The following SNTG2 variants were observed in gnomAD, a reference collection of about 807,000 sequenced individuals.
SNTG2 encodes gamma-2-syntrophin.
SNTG2 carries 74 observed loss-of-function variants against 70.9 expected under a neutral mutation model. The observed-to-expected ratio is 1.04, with a 90% CI of 0.86 to 1.27. The LOEUF is 1.27. Among genes scored for constraint, SNTG2 ranks in the 50% most tolerant of loss-of-function variants. The pLI is 0.00. For missense variants in SNTG2, 717 were observed against 690.7 expected (o/e 1.04, Z -0.43); for synonymous variants, 278 against 273.8 (o/e 1.02, Z -0.15).
At chr2:1,015,198 C>T (rs1337024628) in intron 1 of SNTG2, among the ~76,000 whole-genome samples, 1 of 152,086 alleles carries the variant, frequency 6.6e-6, no homozygotes, top group East Asian at 1.9e-4. Flanking sequence ...ATGTGGGCAG[C>T]TGGGACCATG....
At chr2:1,231,006 G>C (rs1469924385) in intron 9 of SNTG2, among the ~76,000 whole-genome samples, 1 of 151,040 alleles carries the variant, frequency 6.6e-6, no homozygotes, top group African/African-American at 2.4e-5. Context: ...AGATCCGAAA[G>C]GTGAATTACT....
At chr2:1,217,127 TA>T (rs892775583) in intron 9 of SNTG2, among the ~76,000 whole-genome samples, 15 of 149,380 alleles carry the variant, frequency 1.0e-4, no homozygotes, top group South Asian at 8.5e-4. Context: ...GTTCTTTTTT[TA>T]AAAAAAAAAG....
intron 15 of SNTG2, among the ~76,000 whole-genome samples, chr2:1,315,587 T>A (rs1032750044): frequency 6.6e-6 from 1 of 152,160 alleles, no homozygotes; most frequent in Non-Finnish European, 1.5e-5. Flanking sequence ...ATCCATTACG[T>A]CTTTCTTTGC....
chr2:1,186,204 A>T (rs1209587528), intron 8 of SNTG2, among the ~76,000 whole-genome samples: 2 of 152,166 alleles, frequency 1.3e-5, no homozygotes, highest in African/African-American at 4.8e-5. Flanking sequence ...TACTGTTTCT[A>T]ATAAGTCCCT....
chr2:1,178,177 CTCTCT>C (rs1671611379), intron 8 of SNTG2, among the ~76,000 whole-genome samples: 1 of 152,138 alleles, frequency 6.6e-6, no homozygotes, highest in Non-Finnish European at 1.5e-5. Context: ...CCATTGGGCT[CTCTCT>C]TGTAGAGACG....
chr2:1,281,218 TG>T (rs1387499883), intron 14 of SNTG2, among the ~76,000 whole-genome samples: 5 of 148,546 alleles, frequency 3.4e-5, no homozygotes, highest in Admixed American at 6.7e-5. Flanking sequence ...GGTGTGTGTG[TG>T]TTTGTGTTTA....
intron 14 of SNTG2, among the ~76,000 whole-genome samples, chr2:1,300,166 G>C (rs1368260935): frequency 6.6e-6 from 1 of 151,052 alleles, no homozygotes; most frequent in East Asian, 2.0e-4. Flanking sequence ...CCGCTCTGAA[G>C]GGCATGCAAG....
intron 6 of SNTG2, among the ~76,000 whole-genome samples, chr2:1,153,964 A>G (rs989330228): frequency 8.5e-5 from 13 of 152,236 alleles, no homozygotes; most frequent in African/African-American, 3.1e-4. Context: ...TCCAACCAAG[A>G]GGACTTCCAG....
chr2:1,247,850 G>A (rs1677525322), intron 12 of SNTG2, among the ~76,000 whole-genome samples: 1 of 152,034 alleles, frequency 6.6e-6, no homozygotes, highest in Non-Finnish European at 1.5e-5. Flanking sequence ...TGTCTCCCAA[G>A]TTTTATTTAA....
intron 13 of SNTG2, among the ~76,000 whole-genome samples, chr2:1,263,195 T>A (rs13015928): frequency 5.9e-5 from 9 of 152,098 alleles, no homozygotes; most frequent in South Asian, 2.1e-4. Flanking sequence ...AGGATATTCC[T>A]TAAATTAATG....
intron 1 of SNTG2, among the ~76,000 whole-genome samples, chr2:1,027,519 A>G (rs1479272296): frequency 6.6e-6 from 1 of 150,736 alleles, no homozygotes; most frequent in Admixed American, 6.6e-5. Flanking sequence ...CGTCTGACCC[A>G]CAGTCACTAT....
intron 1 of SNTG2, among the ~76,000 whole-genome samples, chr2:991,488 A>G (rs1224919737): frequency 6.6e-6 from 1 of 152,112 alleles, no homozygotes; most frequent in Non-Finnish European, 1.5e-5. Context: ...TAGAATATTT[A>G]TAGTTAATAC....
At chr2:1,059,144 T>C (rs1484734869) in intron 1 of SNTG2, 1 of 152,248 alleles carries the variant, frequency 6.6e-6, no homozygotes, top group Non-Finnish European at 1.5e-5. Context: ...TGCCCTTTGC[T>C]TAGCTTTGCC....
intron 9 of SNTG2, among the ~76,000 whole-genome samples, chr2:1,217,341 A>T (rs1450246770): frequency 6.6e-6 from 1 of 152,210 alleles, no homozygotes; most frequent in African/African-American, 2.4e-5. Flanking sequence ...TAAAATGGGA[A>T]CTATGCGTTT....
intron 9 of SNTG2, among the ~76,000 whole-genome samples, chr2:1,233,619 G>A (rs1676408559): frequency 6.6e-6 from 1 of 152,206 alleles, no homozygotes; most frequent in African/African-American, 2.4e-5. Flanking sequence ...TCCACAGGAG[G>A]TGGAGACCTG....
At chr2:986,466 A>T (rs1224297705) in intron 1 of SNTG2, among the ~76,000 whole-genome samples, 3 of 152,228 alleles carry the variant, frequency 2.0e-5, no homozygotes, top group African/African-American at 7.2e-5. Context: ...AGGACTTCCC[A>T]TGTAGGAATG....
chr2:1,339,713 C>A (rs977970796), intron 16 of SNTG2, among the ~76,000 whole-genome samples: 3 of 152,150 alleles, frequency 2.0e-5, no homozygotes, highest in Non-Finnish European at 2.9e-5. Context: ...AAAATGTAAA[C>A]CCTTCTGCCA....
At chr2:1,117,552 T>C (rs1667116017) in intron 4 of SNTG2, among the ~76,000 whole-genome samples, 1 of 152,176 alleles carries the variant, frequency 6.6e-6, no homozygotes. Flanking sequence ...GTCCTGTGTG[T>C]GGCTGTGCTT....
In SNTG2 at chr2:1,243,351, G is replaced by GCC. The variant is rs1677171560; in HGVS notation, c.888+3576_888+3577dup. Among the ~76,000 whole-genome samples, 5 of 152,272 alleles carry GCC rather than the reference G, an allele frequency of 3.3e-5. No individual in the cohort carries two copies. The South Asian group carries it at 6.2e-4, about 19-fold the overall frequency. On this transcript the variant is annotated intron_variant, in intron 11 of 16. Transcript: ENST00000308624. ...GGGAGGTGGGTGTACAGCTCATGGG[G>GCC]CCTCCCAGGTCTGGGTGCTCGGATT... is the stretch of plus-strand genomic sequence containing the variant.
Sources: gnomAD v4.1 joint callset for allele counts (sites outside exome capture counted in the v4.1 genomes callset) on GRCh38, gnomAD v4.1.1 for gene constraint, MANE v1.5 for transcripts, NCBI Gene and HGNC (gene_info 2026-07-23, HGNC 2026-07-21) for gene names.